The following PTCH1 variants were observed in gnomAD, a reference collection of about 807,000 sequenced individuals.
PTCH1 encodes the protein protein patched homolog 1.
A neutral mutation model predicts 144.6 loss-of-function variants in PTCH1; 14 were observed. That is an observed-to-expected ratio of 0.10 (90% CI 0.06 to 0.15). PTCH1 has a LOEUF of 0.15. PTCH1 is among the 10% of genes least tolerant of loss of function. PTCH1 has a pLI of 1.00. For synonymous variants in PTCH1, 833 were observed against 793.6 expected (o/e 1.05, Z -0.83); for missense variants, 1,623 against 1,948.3 (o/e 0.83, Z 3.14).
chr9:95,448,964 C>T lies in PTCH1; in HGVS notation c.3804+105G>A, dbSNP rs892209968. Reference sequence around the variant, plus strand: ...TCTGTACCTTATCTCTGCATCCCATCTGCCTGTGTGATGTGCTGCTCAGCA... The same window carrying T: ...TCTGTACCTTATCTCTGCATCCCATTTGCCTGTGTGATGTGCTGCTCAGCA... On this transcript the variant is annotated intron_variant, in intron 22 of 23. Transcript: ENST00000331920. 7 of 1,496,192 alleles carry T rather than the reference C, an allele frequency of 4.7e-6. No homozygotes were observed. The Admixed American group carries it at 8.8e-5, about 19-fold the overall frequency. The allele number at this position is 1,496,192 out of a possible 1,614,324, so 92.7% of individuals were successfully genotyped here.
upstream of PTCH1, among the ~76,000 whole-genome samples, chr9:95,510,888 CGCGGCCGG>C (rs1202302454): frequency 6.6e-6 from 1 of 150,752 alleles, no homozygotes; most frequent in African/African-American, 2.4e-5. Flanking sequence ...CCCGCGCCCG[CGCGGCCGG>C]GGCAGAGTAG....
intron 2 of PTCH1, among the ~76,000 whole-genome samples, chr9:95,488,219 G>GCA (rs1333470937): frequency 1.3e-5 from 2 of 152,150 alleles, no homozygotes; most frequent in African/African-American, 4.8e-5. Context: ...GTTTTAAGAT[G>GCA]TATATTTACA....
At chr9:95,507,144 G>A in intron 1 of PTCH1, 5 of 985,616 alleles carry the variant, frequency 5.1e-6, no homozygotes, top group Non-Finnish European at 6.0e-6. Flanking sequence ...CGCGGCCGCC[G>A]GAGTTCACTC....
intron 12 of PTCH1, among the ~76,000 whole-genome samples, chr9:95,472,281 C>T (rs28442014): frequency 0.22 from 33,704 of 152,098 alleles, 3,953 homozygotes; most frequent in Non-Finnish European, 0.24. Flanking sequence ...CCCCGAAGTG[C>T]GGTCAAGTCA....
Position 95,505,881 on chromosome 9 carries a change from G to T in PTCH1, c.394+526C>A, listed in dbSNP as rs930343720. 7.5e-3 allele frequency among the ~76,000 whole-genome samples: 1,105 copies of T among 146,856 alleles called. 10 individuals carry two copies. The highest frequency in any genetic ancestry group is 0.026 in the African/African-American group (1,037 of 40,516). On this transcript the variant is annotated intron_variant, in intron 2 of 23. Transcript: ENST00000331920. ...CGCCGCCTCCGCAGCCCCGCGCTGC[G>T]CCCGCCCCCGGCCCTCCCCAGCGCG...
intron 2 of PTCH1, among the ~76,000 whole-genome samples, chr9:95,502,726 C>T (rs1843236987): frequency 2.0e-5 from 3 of 152,132 alleles, no homozygotes; most frequent in Admixed American, 6.5e-5. Context: ...CACACACACG[C>T]GCATGCACAC....
Position 95,468,854 on chromosome 9 carries a change from G to C in PTCH1, c.2147C>G (p.Ser716Cys), listed in dbSNP as rs1411146165. Residue 716 changes from serine (S) to cysteine (C), a missense_variant, in exon 14 of 24, where the codon TCC (serine) becomes TGC (cysteine). Ser to Cys is a moderately radical substitution (Grantham distance 112). Coordinates refer to ENST00000331920, the MANE Select transcript of PTCH1 (RefSeq NM_000264.5). Reference protein sequence around the residue: ...SSTRDLLSQFSDSSLHCLEPP... With the variant: ...SSTRDLLSQFCDSSLHCLEPP... ...CTCGAGGCAGTGGAGGCTGGAGTCG[G>C]AGAACTGGGAGAGCAGGTCCCTTGT... 1 of 1,614,198 alleles carries C rather than the reference G, an allele frequency of 6.2e-7. No individual in the cohort carries two copies. The highest frequency in any genetic ancestry group is 1.1e-5 in the South Asian group (1 of 91,072).
At chr9:95,460,355 C>T (rs974170403) in intron 16 of PTCH1, among the ~76,000 whole-genome samples, 3 of 152,188 alleles carry the variant, frequency 2.0e-5, no homozygotes, top group South Asian at 2.1e-4. Context: ...TCCCGGAGGT[C>T]GTAGTACTCC....
chr9:95,445,829 AG>A lies in PTCH1; in HGVS notation c.*563del, dbSNP rs1395449536. 1 of 156,052 alleles carries A rather than the reference AG, an allele frequency of 6.4e-6. No homozygotes were observed. Among genetic ancestry groups the A allele is most frequent in the African/African-American group, 2.4e-5 (1 of 41,500 alleles). 9.7% of individuals were successfully genotyped at this position (156,052 alleles called of 1,614,324 possible). A position where few individuals can be genotyped will look rare whatever the true frequency, so the allele number is the denominator to read the frequency against. ...CACAACGACACCTAGAGAAGCCACC[AG>A]GATTAACGTGCTTTCTTCATATCTG... On this transcript the variant is annotated 3_prime_UTR_variant, in exon 24 of 24. Transcript: ENST00000331920.
In PTCH1 at chr9:95,446,990, C is replaced by T. The variant is rs2136571735; in HGVS notation, c.4266G>A (p.Arg1422=). The change falls in exon 23 of 24, where the codon AGG becomes AGA. Residue 1422 remains arginine (R), a synonymous_variant. Transcript: ENST00000331920. Reference sequence around the variant, plus strand: ...CAATGACTTCCACCTTCGAATCCCTCCTCTCACACCGGACGTGGAAAGGCA... The same window carrying T: ...CAATGACTTCCACCTTCGAATCCCTTCTCTCACACCGGACGTGGAAAGGCA... ...PHVPFHVRCE[R]RDSKVEVIEL... 2 of 1,614,232 alleles carry T rather than the reference C, an allele frequency of 1.2e-6. No individual in the cohort carries two copies. The highest frequency in any genetic ancestry group is 2.2e-5 in the East Asian group (1 of 44,872).
chr9:95,502,407 T>C (rs1843208930), intron 2 of PTCH1, among the ~76,000 whole-genome samples: 1 of 152,226 alleles, frequency 6.6e-6, no homozygotes, highest in Non-Finnish European at 1.5e-5. Flanking sequence ...GAGTAGGTAC[T>C]GAGAACATGT....
chr9:95,468,657 A>G, intron 14 of PTCH1, 94 bp downstream of exon 14: 1 of 1,498,914 alleles, frequency 6.7e-7, no homozygotes, highest in Admixed American at 1.9e-5. Flanking sequence ...TTTTTTTTTA[A>G]GGAAAAAGAA....
intron 2 of PTCH1, chr9:95,506,182 C>G: frequency 4.5e-6 from 2 of 440,710 alleles, no homozygotes; most frequent in Non-Finnish European, 7.8e-6. Flanking sequence ...GCCGCTCTCT[C>G]CCACCACACC....
Position 95,449,972 on chromosome 9 carries a change from C to T in PTCH1, c.3450-32G>A. ...GATCAAGAGGAAACGGGAACACGCG[C>T]TGTGACAGGGTGGATCGCGCCACCC... On this transcript the variant is annotated intron_variant, in intron 20 of 23. Transcript: ENST00000331920. This position sits in a 1 kb window ranked among gnomAD's most constrained non-coding sequence, Gnocchi z 5.3. 1 of 1,591,280 alleles carries T rather than the reference C, an allele frequency of 6.3e-7. No individual in the cohort carries two copies. The highest frequency in any genetic ancestry group is 8.6e-7 in the Non-Finnish European group (1 of 1,159,872).
At chr9:95,511,237 T>TCCTCCCCGGCGGTTTCC (rs1844143981), upstream of PTCH1, among the ~76,000 whole-genome samples, 1 of 151,390 alleles carries the variant, frequency 6.6e-6, no homozygotes, top group African/African-American at 2.4e-5. Flanking sequence ...CCCCCTTCCT[T>TCCTCCCCGGCGGTTTCC]CCTCCCCGGC....
At chr9:95,453,268 A>C (rs1025498804) in intron 20 of PTCH1, 2 of 605,790 alleles carry the variant, frequency 3.3e-6, no homozygotes, top group Non-Finnish European at 5.7e-6. Flanking sequence ...AGTAGCTGGG[A>C]TTACAGGCAC....
intron 2 of PTCH1, among the ~76,000 whole-genome samples, chr9:95,493,890 T>A (rs1842610048): frequency 1.3e-5 from 2 of 152,174 alleles, no homozygotes; most frequent in South Asian, 4.1e-4. Flanking sequence ...TCTCTTTTAT[T>A]CAGGAGGAGC....
Position 95,478,164 on chromosome 9 carries a change from T to C in PTCH1, c.1238A>G (p.Gln413Arg), listed in dbSNP as rs975634341. 8 of 1,614,086 alleles carry C rather than the reference T, an allele frequency of 5.0e-6. No homozygotes were observed. In the East Asian group the frequency reaches 1.6e-4, roughly 31 times the overall value. The stretch of plus-strand genomic sequence containing the variant: ...GGAAAGCACCTTTTGAGTGGAGTTC[T>C]GTGCGACACTCTGATGAACCACCTG... ...YVEVVHQSVA[Q>R]NSTQKVLSFT... The change falls in exon 9 of 24, where the codon CAG (glutamine) becomes CGG (arginine). Residue 413 changes from glutamine to arginine, a missense_variant. Gln to Arg is a conservative substitution (Grantham distance 43). This residue lies in a region of PTCH1 where 230 missense variants were observed against 271.0 expected (regional missense o/e 0.85). Transcript: ENST00000331920.
chr9:95,512,219 T>C (rs1223222036), upstream of PTCH1, among the ~76,000 whole-genome samples: 1 of 152,194 alleles, frequency 6.6e-6, no homozygotes, highest in African/African-American at 2.4e-5. Context: ...TTTTGAACAT[T>C]GATCCCCGGA....
Sources: allele counts gnomAD v4.1 joint callset (sites outside exome capture counted in the v4.1 genomes callset), GRCh38; gene constraint gnomAD v4.1.1; regional missense constraint gnomAD v4.1.1; non-coding constraint Gnocchi (gnomAD v3.1); transcripts MANE v1.5; gene names NCBI Gene and HGNC (gene_info 2026-07-23, HGNC 2026-07-21).